Variants in DUSP16 observed in about 807,000 individuals in gnomAD.
The protein encoded by DUSP16 is dual specificity phosphatase 16.
A neutral mutation model predicts 58.3 loss-of-function variants in DUSP16; 21 were observed. That is an observed-to-expected ratio of 0.36 (90% confidence interval 0.26 to 0.52). The LOEUF (loss-of-function observed/expected upper bound fraction) is 0.52. Among genes scored for constraint, DUSP16 ranks in the 20% least tolerant of loss-of-function variants. The probability of loss-of-function intolerance (pLI) is 0.94; values close to 1 mark genes in which losing one functional copy is unlikely to be tolerated. For missense variants in DUSP16, 726 were observed against 819.0 expected (o/e 0.89, Z 1.39); for synonymous variants, 320 against 323.8 (o/e 0.99, Z 0.12).
intron 3 of DUSP16, among the ~76,000 whole-genome samples, chr12:12,511,208 G>C (rs1223029988): frequency 6.6e-6 from 1 of 152,150 alleles, no homozygotes; most frequent in African/African-American, 2.4e-5. Flanking sequence ...GGAGCAACCT[G>C]GGGGAGGAAT....
intron 3 of DUSP16, among the ~76,000 whole-genome samples, chr12:12,509,453 T>TA (rs1944044536): frequency 1.3e-5 from 2 of 151,952 alleles, no homozygotes; most frequent in Non-Finnish European, 2.9e-5. Flanking sequence ...AGTTTCATGA[T>TA]ACTATCTTCC....
intron 4 of DUSP16, among the ~76,000 whole-genome samples, chr12:12,488,057 G>C (rs1228361066): frequency 6.6e-6 from 1 of 152,126 alleles, no homozygotes; most frequent in Non-Finnish European, 1.5e-5. Context: ...ACCATGTTCT[G>C]AACAACTAGA....
intron 1 of DUSP16, among the ~76,000 whole-genome samples, chr12:12,540,949 CTTTTTT>C (rs1191975095): frequency 2.3e-5 from 1 of 43,802 alleles, no homozygotes; most frequent in Non-Finnish European, 4.4e-5. Flanking sequence ...CTTTTCTTTT[CTTTTTT>C]TTTTTTTTTT....
chr12:12,539,448 A>C (rs1175260110), intron 1 of DUSP16, among the ~76,000 whole-genome samples: 1 of 152,204 alleles, frequency 6.6e-6, no homozygotes, highest in East Asian at 1.9e-4. Context: ...CTTCTTAAAA[A>C]TCTACAAATG....
At chr12:12,500,766 TA>T in intron 3 of DUSP16, 84 bp from the exon 4 acceptor site, 1 of 1,272,360 alleles carries the variant, frequency 7.9e-7, no homozygotes, top group Non-Finnish European at 1.0e-6. Flanking sequence ...TCAAACAGTT[TA>T]AACCCACGAA....
At chr12:12,519,381 T>C (rs140061358) in intron 3 of DUSP16, among the ~76,000 whole-genome samples, 60 of 152,308 alleles carry the variant, frequency 3.9e-4, no homozygotes, top group Non-Finnish European at 7.1e-4. Context: ...TCTCCCCCTA[T>C]TTCATTGTTT....
Position 12,515,285 on chromosome 12 carries a change from T to G in DUSP16, c.367+4577A>C, listed in dbSNP as rs114142835. Among the ~76,000 whole-genome samples the G allele has an allele frequency of 5.3e-3, 804 of 152,084 alleles. 6 individuals carry two copies. The highest frequency in any genetic ancestry group is 0.018 in the African/African-American group (732 of 41,520). On this transcript the variant is annotated intron_variant, in intron 3 of 6. Transcript: ENST00000298573. ...CCATCCTAGATTATAAAATCATTAT[T>G]ATGATACATTTATGTTACACCCATT... is the stretch of plus-strand genomic sequence containing the variant.
At chr12:12,503,658 C>A (rs75053315) in intron 3 of DUSP16, among the ~76,000 whole-genome samples, 1 of 152,088 alleles carries the variant, frequency 6.6e-6, no homozygotes, top group Admixed American at 6.5e-5. Flanking sequence ...AGAGCACTGG[C>A]GTCCTGCAAG....
chr12:12,551,546 T>C (rs991462586), intron 1 of DUSP16, among the ~76,000 whole-genome samples: 1 of 151,984 alleles, frequency 6.6e-6, no homozygotes, highest in Admixed American at 6.6e-5. Flanking sequence ...TTGGAAAACT[T>C]GAATTCGCCA....
chr12:12,559,613 G>A (rs1944864779), intron 1 of DUSP16, among the ~76,000 whole-genome samples: 1 of 152,164 alleles, frequency 6.6e-6, no homozygotes, highest in African/African-American at 2.4e-5. Flanking sequence ...TATTACACTG[G>A]TAATTCTAGC....
chr12:12,539,372 C>T (rs1321141405), intron 1 of DUSP16, among the ~76,000 whole-genome samples: 1 of 152,158 alleles, frequency 6.6e-6, no homozygotes, highest in Non-Finnish European at 1.5e-5. Context: ...TATGCTGGGG[C>T]ACAGAGCCCA....
At position 12,476,769 on chromosome 12, in the gene DUSP16, A is replaced by G. The variant is rs1943445916; in HGVS notation, c.*64T>C. 2.8e-6 allele frequency: 4 copies of G among 1,441,516 alleles called. No individual in the cohort carries two copies. The highest frequency in any genetic ancestry group is 3.7e-6 in the Non-Finnish European group (4 of 1,076,430). The allele number at this position is 1,441,516 out of a possible 1,614,324, so 89.3% of individuals were successfully genotyped here. On this transcript the variant is annotated 3_prime_UTR_variant, in exon 7 of 7. Coordinates refer to ENST00000298573, the MANE Select transcript of DUSP16 (RefSeq NM_030640.3). ...ATGTACATATATATATTTCAGATTT[A>G]CAGGGAATTTTTTTGTGAACAAGAA... is the stretch of plus-strand genomic sequence containing the variant.
chr12:12,481,153 C>G (rs1271872544), intron 5 of DUSP16, among the ~76,000 whole-genome samples: 2 of 152,204 alleles, frequency 1.3e-5, no homozygotes, highest in African/African-American at 2.4e-5. Context: ...GAACTTTTAT[C>G]CCTTCCTTGA....
chr12:12,549,049 T>A (rs1299149474), intron 1 of DUSP16, among the ~76,000 whole-genome samples: 2 of 152,204 alleles, frequency 1.3e-5, no homozygotes, highest in African/African-American at 4.8e-5. Flanking sequence ...TATGTATATC[T>A]TTCTCTATTA....
Position 12,477,578 on chromosome 12 carries a change from T to C in DUSP16, c.1253A>G (p.His418Arg). The change falls in exon 7 of 7, where the codon CAT (histidine) becomes CGT (arginine). Residue 418 changes from histidine (H) to arginine (R), a missense_variant. His to Arg is a conservative substitution (Grantham distance 29). Coordinates refer to ENST00000298573, the MANE Select transcript of DUSP16 (RefSeq NM_030640.3). The surrounding 1 kb of genome is among the most constrained non-coding windows in gnomAD (Gnocchi z 4.1). ...SYSASMAASLHGFSSSEDALE... is the reference protein window; with the variant it reads ...SYSASMAASLRGFSSSEDALE... The stretch of plus-strand genomic sequence containing the variant: ...AGCATCTTCTGATGAGGAGAAGCCA[T>C]GTAAGGATGCTGCCATGCTGGCTGA... 2.5e-6 allele frequency: 4 copies of C among 1,614,000 alleles called. No homozygotes were observed. The highest frequency in any genetic ancestry group is 2.2e-5 in the East Asian group (1 of 44,882).
chr12:12,536,356 CA>C (rs1204299389), intron 1 of DUSP16, among the ~76,000 whole-genome samples: 1 of 152,218 alleles, frequency 6.6e-6, no homozygotes, highest in Non-Finnish European at 1.5e-5. Context: ...CCCAGCTTCA[CA>C]TAAGCTAATG....
At chr12:12,499,386 A>C (rs1253265574) in intron 4 of DUSP16, among the ~76,000 whole-genome samples, 2 of 152,238 alleles carry the variant, frequency 1.3e-5, no homozygotes, top group African/African-American at 4.8e-5. Context: ...CGGTACAAGC[A>C]TAAGCTATTA....
chr12:12,482,529 ATTAAT>A (rs55808377), intron 5 of DUSP16, among the ~76,000 whole-genome samples: 40,881 of 151,880 alleles, frequency 0.27, 6,079 homozygotes, highest in Non-Finnish European at 0.33. Flanking sequence ...AAGCAAAGGA[ATTAAT>A]TTAACACACA....
chr12:12,480,787 C>T (rs1007922099), intron 5 of DUSP16, among the ~76,000 whole-genome samples: 2 of 152,254 alleles, frequency 1.3e-5, no homozygotes, highest in African/African-American at 4.8e-5. Context: ...TGCACGATGT[C>T]GGCTCATTGC....
Sources: allele counts gnomAD v4.1 joint callset (sites outside exome capture counted in the v4.1 genomes callset), GRCh38; gene constraint gnomAD v4.1.1; non-coding constraint Gnocchi (gnomAD v3.1); transcripts MANE v1.5; gene names NCBI Gene and HGNC (gene_info 2026-07-23, HGNC 2026-07-21).